LIMS1: variants seen among roughly 807,000 people sequenced by gnomAD.
The protein encoded by LIMS1 is LIM zinc finger domain containing 1.
Under a neutral mutation model 44.1 loss-of-function variants are expected in LIMS1, and 18 were observed. The ratio of observed to expected loss-of-function variants is 0.41; its 90% CI spans 0.28 to 0.61. The LOEUF (loss-of-function observed/expected upper bound fraction) is 0.61. LIMS1 is among the 20% of genes least tolerant of loss of function. The pLI, the probability that LIMS1 is intolerant of heterozygous loss-of-function variation, is 0.32. For missense variants in LIMS1, 201 were observed against 422.0 expected, an observed-to-expected ratio of 0.48 and a Z score of 4.59; for synonymous variants, 93 against 149.1, an observed-to-expected ratio of 0.62 and a Z score of 2.74.
At position 108,609,124 on chromosome 2, in the gene LIMS1, G is replaced by A. The variant is rs556506526; in HGVS notation, c.33-50481G>A. ...AGTAATAGAAAAAGAGGGTGGGATC[G>A]GTGATTCGAGAGTACTGAGGGTTTG... is the stretch of plus-strand genomic sequence containing the variant. On this transcript the variant is annotated intron_variant, in intron 1 of 9. Transcript: ENST00000544547. Among the ~76,000 whole-genome samples, 21 of 152,264 alleles carry A rather than the reference G, an allele frequency of 1.4e-4. No homozygotes were observed. In the East Asian group the frequency reaches 3.7e-3, roughly 27 times the overall value.
At chr2:108,566,112 A>C (rs966800150) in intron 1 of LIMS1, among the ~76,000 whole-genome samples, 2 of 152,172 alleles carry the variant, frequency 1.3e-5, no homozygotes, top group Non-Finnish European at 2.9e-5. Context: ...AGTAAAATGA[A>C]GCAGGCTCCG....
chr2:108,611,931 T>TATATAAAATATATATACATATATATAC (rs1558808898), intron 1 of LIMS1, among the ~76,000 whole-genome samples: 1 of 67,752 alleles, frequency 1.5e-5, no homozygotes, highest in African/African-American at 4.2e-5. Flanking sequence ...AATATATATA[T>TATATAAAATATATATACATATATATAC]ACATATATAA....
chr2:108,611,854 T>C (rs187819329), intron 1 of LIMS1, among the ~76,000 whole-genome samples: 2,501 of 125,226 alleles, frequency 0.02, 63 homozygotes, highest in African/African-American at 0.049. Flanking sequence ...TATATATATA[T>C]ACACACATAT....
intron 1 of LIMS1, among the ~76,000 whole-genome samples, chr2:108,591,309 A>G (rs1183572716): frequency 6.6e-6 from 1 of 152,164 alleles, no homozygotes; most frequent in Non-Finnish European, 1.5e-5. Flanking sequence ...AACATCCTGT[A>G]GCAAAGGACT....
intron 1 of LIMS1, among the ~76,000 whole-genome samples, chr2:108,632,472 A>G (rs150115455): frequency 3.9e-5 from 6 of 152,212 alleles, no homozygotes; most frequent in African/African-American, 1.2e-4. Context: ...AGGTCAGGCA[A>G]CGCGCATTCT....
intron 1 of LIMS1, among the ~76,000 whole-genome samples, chr2:108,629,101 T>A (rs1297139105): frequency 1.3e-5 from 2 of 152,206 alleles, no homozygotes; most frequent in Admixed American, 1.3e-4. Context: ...AAAGGAAGAC[T>A]GTTGTGTGGT....
rs142483808 is a variant in LIMS1 at position 108,581,504 on chromosome 2, C to G, written c.32+46910C>G. ...ATGAATTGCTTCTTACTCAAATAAA[C>G]TCTTTAAAATTGTATTGTTCCTCAG... On this transcript the variant is annotated intron_variant, in intron 1 of 9. Coordinates refer to ENST00000544547, the Ensembl canonical transcript of LIMS1. Among the ~76,000 whole-genome samples, 277 of 152,298 alleles carry G rather than the reference C, an allele frequency of 1.8e-3. 1 individual carries two copies. The highest frequency in any genetic ancestry group is 6.4e-3 in the African/African-American group (267 of 41,564).
chr2:108,534,640 C>A (rs988559164), intron 1 of LIMS1, 46 bp downstream of exon 1: 34 of 1,061,642 alleles, frequency 3.2e-5, no homozygotes, highest in Non-Finnish European at 3.8e-5. Flanking sequence ...CCCCGCAGCT[C>A]CCGGCGGGCC....
chr2:108,606,656 A>G (rs1687283891), intron 1 of LIMS1, among the ~76,000 whole-genome samples: 1 of 152,234 alleles, frequency 6.6e-6, no homozygotes, highest in African/African-American at 2.4e-5. Context: ...TATAAACAAC[A>G]CACAATACAG....
intron 8 of LIMS1, among the ~76,000 whole-genome samples, chr2:108,678,957 G>A (rs1010068948): frequency 2.6e-5 from 4 of 152,086 alleles, no homozygotes; most frequent in African/African-American, 9.7e-5. Flanking sequence ...GTAAGACATG[G>A]CACACATCAT....
intron 1 of LIMS1, among the ~76,000 whole-genome samples, chr2:108,616,866 T>C (rs890578025): frequency 5.3e-5 from 8 of 152,176 alleles, no homozygotes; most frequent in Non-Finnish European, 2.9e-5. Flanking sequence ...GGCAAATAAA[T>C]GTTTGCCAGA....
chr2:108,569,620 A>G (rs891676983), intron 1 of LIMS1, among the ~76,000 whole-genome samples: 3 of 152,104 alleles, frequency 2.0e-5, no homozygotes, highest in African/African-American at 4.8e-5. Flanking sequence ...TTTTTGAGAC[A>G]GGGTCTCTCT....
chr2:108,652,762 G>A (rs1196866768), intron 1 of LIMS1, among the ~76,000 whole-genome samples: 1 of 152,142 alleles, frequency 6.6e-6, no homozygotes, highest in East Asian at 1.9e-4. Context: ...ATTCTGAGCA[G>A]AAGGCTCACG....
At chr2:108,643,088 G>A (rs1263243411) in intron 1 of LIMS1, among the ~76,000 whole-genome samples, 1 of 152,222 alleles carries the variant, frequency 6.6e-6, no homozygotes, top group Non-Finnish European at 1.5e-5. Context: ...TCTGCTCTGG[G>A]TGGATTTAAG....
At chr2:108,614,719 A>G (rs562293302) in intron 1 of LIMS1, among the ~76,000 whole-genome samples, 28 of 152,338 alleles carry the variant, frequency 1.8e-4, no homozygotes, top group African/African-American at 6.5e-4. Context: ...ACAGCTTGTT[A>G]TGTGTGTTGT....
At chr2:108,538,876 C>G (rs1452372256) in intron 1 of LIMS1, among the ~76,000 whole-genome samples, 1 of 152,162 alleles carries the variant, frequency 6.6e-6, no homozygotes, top group African/African-American at 2.4e-5. Context: ...CTCCCCATTT[C>G]TTGCAATTGC....
intron 1 of LIMS1, among the ~76,000 whole-genome samples, chr2:108,544,149 T>C (rs1219489799): frequency 6.6e-6 from 1 of 152,218 alleles, no homozygotes; most frequent in African/African-American, 2.4e-5. Context: ...GATTAGTTGT[T>C]ACTTATTGAA....
intron 1 of LIMS1, among the ~76,000 whole-genome samples, chr2:108,607,469 C>G: frequency 6.6e-6 from 1 of 152,004 alleles, no homozygotes; most frequent in Non-Finnish European, 1.5e-5. Context: ...CTGGATATAA[C>G]CAGAAAAGAG....
chr2:108,683,254 G>A (rs1350437027), intron 9 of LIMS1, among the ~76,000 whole-genome samples: 2 of 152,032 alleles, frequency 1.3e-5, no homozygotes, highest in East Asian at 3.9e-4. Flanking sequence ...AGATCATGTT[G>A]CCTCCAATAA....
Sources: allele counts gnomAD v4.1 joint callset (sites outside exome capture counted in the v4.1 genomes callset), GRCh38; gene constraint gnomAD v4.1.1; transcripts MANE v1.5; gene names NCBI Gene and HGNC (gene_info 2026-07-23, HGNC 2026-07-21).